Variants in IMMP2L observed in about 807,000 individuals in gnomAD.
The protein encoded by IMMP2L is inner mitochondrial membrane peptidase subunit 2.
In IMMP2L, 18 loss-of-function variants were observed where a neutral mutation model predicts 19.3. That is an observed-to-expected ratio of 0.93 (90% CI 0.64 to 1.38). The LOEUF (loss-of-function observed/expected upper bound fraction) is 1.38. Ranked by LOEUF, IMMP2L falls within the 40% of genes most tolerant of loss-of-function variation. IMMP2L has a pLI of 0.00. For missense variants in IMMP2L, 233 were observed against 218.2 expected (o/e 1.07, Z -0.43); for synonymous variants, 76 against 73.0 (o/e 1.04, Z -0.21).
intron 3 of IMMP2L, among the ~76,000 whole-genome samples, chr7:111,360,888 ATAGT>A (rs1389431868): frequency 2.6e-5 from 4 of 152,096 alleles, no homozygotes; most frequent in Admixed American, 2.6e-4. Context: ...TTTGAAATAT[ATAGT>A]TATTTTTCAT....
intron 3 of IMMP2L, among the ~76,000 whole-genome samples, chr7:111,448,995 C>A (rs1476126645): frequency 6.6e-6 from 1 of 150,606 alleles, no homozygotes; most frequent in Non-Finnish European, 1.5e-5. Context: ...TACACTCTCC[C>A]AAGACTAAAC....
intron 3 of IMMP2L, among the ~76,000 whole-genome samples, chr7:110,983,312 AT>A (rs1249882650): frequency 3.9e-5 from 6 of 152,028 alleles, no homozygotes; most frequent in African/African-American, 1.4e-4. Flanking sequence ...AAAACAAAAT[AT>A]TTTTCCTCTT....
chr7:110,850,649 C>A (rs918693197), intron 5 of IMMP2L, among the ~76,000 whole-genome samples: 4 of 151,610 alleles, frequency 2.6e-5, no homozygotes, highest in African/African-American at 9.7e-5. Flanking sequence ...GCTCACCTGT[C>A]CTGTAACACT....
At chr7:111,184,229 T>A in intron 3 of IMMP2L, among the ~76,000 whole-genome samples, 1 of 151,806 alleles carries the variant, frequency 6.6e-6, no homozygotes, top group African/African-American at 2.4e-5. Context: ...CAAAGAGAAA[T>A]AGGGGGGAAA....
chr7:111,045,467 CT>C (rs1782319821), intron 3 of IMMP2L, among the ~76,000 whole-genome samples: 1 of 152,200 alleles, frequency 6.6e-6, no homozygotes, highest in African/African-American at 2.4e-5. Context: ...AATCTTGTCA[CT>C]CCTCTGTATA....
chr7:110,886,615 A>G lies in IMMP2L; in HGVS notation c.386T>C (p.Phe129Ser). 6.2e-7 allele frequency: 1 copy of G among 1,603,494 alleles called. No individual in the cohort carries two copies. The highest frequency in any genetic ancestry group is 1.1e-5 in the South Asian group (1 of 90,834). The change falls in exon 5 of 6, where the codon TTT becomes TCT. Residue 129 changes from phenylalanine to serine, a missense_variant. Coordinates refer to ENST00000405709, the MANE Select transcript of IMMP2L (RefSeq NM_032549.4). ...TACCGGCCCAAAAGAATTACTGTCA[A>G]AACTGTGTCCATGATGATCACCTTC... ...WVEGDHHGHSFDSNSFGPVSL... is the reference protein window; with the variant it reads ...WVEGDHHGHSSDSNSFGPVSL...
chr7:111,281,200 AAGAAAGAAAGAAAGAAAAAGAAAG>A (rs1563004826), intron 3 of IMMP2L, among the ~76,000 whole-genome samples: 18 of 50,520 alleles, frequency 3.6e-4, no homozygotes, highest in African/African-American at 1.2e-3. Context: ...GAAAGAAAGA[AAGAAAGAAAGAAAGAAAAAGAAAG>A]AAAGAAAGAA....
At chr7:110,876,983 G>A (rs150987471) in intron 5 of IMMP2L, among the ~76,000 whole-genome samples, 2 of 152,220 alleles carry the variant, frequency 1.3e-5, no homozygotes, top group East Asian at 3.9e-4. Context: ...AGGGTCAGAG[G>A]TTGGCAAGCT....
At chr7:111,413,811 C>T (rs1344448094) in intron 3 of IMMP2L, among the ~76,000 whole-genome samples, 1 of 150,880 alleles carries the variant, frequency 6.6e-6, no homozygotes, top group Non-Finnish European at 1.5e-5. Flanking sequence ...TGCTGTAACA[C>T]TAAATTTTGT....
At chr7:110,840,092 C>A (rs1804913894) in intron 5 of IMMP2L, among the ~76,000 whole-genome samples, 2 of 152,196 alleles carry the variant, frequency 1.3e-5, no homozygotes, top group South Asian at 4.2e-4. Flanking sequence ...TACAGTTTGG[C>A]AGAAGTCCAG....
chr7:111,452,623 A>T (rs1271060766), intron 3 of IMMP2L, among the ~76,000 whole-genome samples: 1 of 152,200 alleles, frequency 6.6e-6, no homozygotes, highest in Non-Finnish European at 1.5e-5. Context: ...CAATCTTGAA[A>T]AATACACATC....
At chr7:111,537,040 C>T (rs959382693) in intron 1 of IMMP2L, among the ~76,000 whole-genome samples, 3 of 152,040 alleles carry the variant, frequency 2.0e-5, no homozygotes, top group African/African-American at 7.2e-5. Flanking sequence ...TTGGTATTTA[C>T]CCCTTTCACA....
intron 5 of IMMP2L, among the ~76,000 whole-genome samples, chr7:110,861,364 A>C (rs987104147): frequency 4.0e-5 from 6 of 151,764 alleles, no homozygotes; most frequent in Admixed American, 6.6e-5. Flanking sequence ...CTGCATCCTC[A>C]AACTCCCCAG....
chr7:111,193,902 A>G (rs893658172), intron 3 of IMMP2L, among the ~76,000 whole-genome samples: 2 of 152,132 alleles, frequency 1.3e-5, no homozygotes, highest in Non-Finnish European at 1.5e-5. Flanking sequence ...CTACTCATCA[A>G]TTGACCTTAC....
At chr7:111,522,938 T>TATATGTATATATATATATA (rs199823915) in intron 1 of IMMP2L, among the ~76,000 whole-genome samples, 19 of 148,756 alleles carry the variant, frequency 1.3e-4, no homozygotes, top group Admixed American at 2.0e-4. Context: ...TATATATATA[T>TATATGTATATATATATATA]TATTTCACCA....
At chr7:111,431,431 T>C (rs1433897587) in intron 3 of IMMP2L, among the ~76,000 whole-genome samples, 1 of 151,908 alleles carries the variant, frequency 6.6e-6, no homozygotes, top group African/African-American at 2.4e-5. Context: ...TTTATTAATC[T>C]ATAAACTCTA....
chr7:111,547,140 C>T (rs1264532987), intron 1 of IMMP2L, among the ~76,000 whole-genome samples: 1 of 152,152 alleles, frequency 6.6e-6, no homozygotes, highest in Admixed American at 6.5e-5. Context: ...CCACTGACTG[C>T]AATCTTGAGT....
intron 5 of IMMP2L, among the ~76,000 whole-genome samples, chr7:110,822,014 C>T (rs895344741): frequency 6.6e-6 from 1 of 152,102 alleles, no homozygotes; most frequent in Non-Finnish European, 1.5e-5. Flanking sequence ...AGTCAGTCAA[C>T]TGAATGTTTA....
intron 3 of IMMP2L, among the ~76,000 whole-genome samples, chr7:111,172,251 G>C (rs531382880): frequency 6.6e-6 from 1 of 151,346 alleles, no homozygotes; most frequent in Non-Finnish European, 1.5e-5. Flanking sequence ...GAGTGCTTTC[G>C]AGACATAAGA....
Sources: allele counts gnomAD v4.1 joint callset (sites outside exome capture counted in the v4.1 genomes callset), GRCh38; gene constraint gnomAD v4.1.1; transcripts MANE v1.5; gene names NCBI Gene and HGNC (gene_info 2026-07-23, HGNC 2026-07-21).